Variants in SLC24A2 observed in about 807,000 individuals in gnomAD.
SLC24A2 encodes the protein solute carrier family 24 member 2.
A neutral mutation model predicts 62.0 loss-of-function variants in SLC24A2; 36 were observed. The ratio of observed to expected loss-of-function variants is 0.58; its 90% CI spans 0.44 to 0.77. SLC24A2 has a LOEUF of 0.77. Among genes scored for constraint, SLC24A2 ranks in the 30% least tolerant of loss-of-function variants. SLC24A2 has a pLI of 0.00. For synonymous variants in SLC24A2, 358 were observed against 294.0 expected (o/e 1.22, Z -2.23); for missense variants, 846 against 817.9 (o/e 1.03, Z -0.42).
the SLC24A2 span, among the ~76,000 whole-genome samples, chr9:19,841,432 T>A: frequency 6.6e-6 from 1 of 152,144 alleles, no homozygotes; most frequent in African/African-American, 2.4e-5. Context: ...GTGAAACCCT[T>A]CAGGCAGACA....
chr9:19,996,288 A>C, the SLC24A2 span, among the ~76,000 whole-genome samples: 3 of 152,204 alleles, frequency 2.0e-5, no homozygotes, highest in Non-Finnish European at 4.4e-5. Context: ...TATTTTCATA[A>C]GTCCTGGGGC....
At chr9:20,303,336 G>A in the SLC24A2 span, among the ~76,000 whole-genome samples, 4 of 152,312 alleles carry the variant, frequency 2.6e-5, no homozygotes, top group African/African-American at 9.6e-5. Context: ...ATCCTAACAT[G>A]GTTGAGAGCA....
chr9:19,637,217 T>C (rs1202253152), intron 2 of SLC24A2, among the ~76,000 whole-genome samples: 1 of 152,212 alleles, frequency 6.6e-6, no homozygotes, highest in African/African-American at 2.4e-5. Context: ...TTACTCACAC[T>C]GACAAGTTCT....
chr9:19,560,821 T>C (rs1206443927), intron 7 of SLC24A2, among the ~76,000 whole-genome samples: 4 of 152,162 alleles, frequency 2.6e-5, no homozygotes, highest in Admixed American at 2.6e-4. Context: ...ACTCATTCTT[T>C]ATTGAGCCAT....
intron 2 of SLC24A2, among the ~76,000 whole-genome samples, chr9:19,771,724 T>C (rs977879116): frequency 6.6e-6 from 1 of 152,218 alleles, no homozygotes; most frequent in African/African-American, 2.4e-5. Flanking sequence ...TGTGGTTAAG[T>C]TCTCTTTGCC....
At chr9:20,050,881 T>A in the SLC24A2 span, among the ~76,000 whole-genome samples, 1 of 151,758 alleles carries the variant, frequency 6.6e-6, no homozygotes, top group East Asian at 1.9e-4. Context: ...GAGAACAACC[T>A]GAACTAAAAA....
chr9:20,265,619 G>A, the SLC24A2 span, among the ~76,000 whole-genome samples: 15 of 152,106 alleles, frequency 9.9e-5, no homozygotes, highest in African/African-American at 2.4e-4. Context: ...TGATGATTGC[G>A]TTAACTGCAC....
chr9:20,249,760 A>G, the SLC24A2 span, among the ~76,000 whole-genome samples: 2 of 151,602 alleles, frequency 1.3e-5, no homozygotes, highest in East Asian at 1.9e-4. Flanking sequence ...AGCACTGAGT[A>G]ATAATATCTG....
chr9:20,146,985 C>T, the SLC24A2 span, among the ~76,000 whole-genome samples: 1 of 152,150 alleles, frequency 6.6e-6, no homozygotes. Flanking sequence ...TCCTTGATAG[C>T]ATGTGATGAT....
At chr9:20,201,726 A>T in the SLC24A2 span, among the ~76,000 whole-genome samples, 1 of 152,166 alleles carries the variant, frequency 6.6e-6, no homozygotes, top group African/African-American at 2.4e-5. Flanking sequence ...ACAGTTTTTT[A>T]AAAATTCTCT....
the SLC24A2 span, among the ~76,000 whole-genome samples, chr9:20,161,754 A>G: frequency 9.5e-6 from 1 of 104,936 alleles, no homozygotes; most frequent in African/African-American, 3.8e-5. Context: ...GAAAACATGA[A>G]GATACACACA....
intron 2 of SLC24A2, among the ~76,000 whole-genome samples, chr9:19,661,018 C>T (rs763909014): frequency 1.3e-5 from 2 of 152,116 alleles, no homozygotes; most frequent in Non-Finnish European, 2.9e-5. Context: ...TACACCAGAG[C>T]CTGCCAGCTA....
At chr9:19,719,379 G>A (rs1030666967) in intron 2 of SLC24A2, among the ~76,000 whole-genome samples, 2 of 152,170 alleles carry the variant, frequency 1.3e-5, no homozygotes, top group South Asian at 4.1e-4. Flanking sequence ...GTTCTTGTCT[G>A]ACCTAGACTA....
At chr9:19,779,503 T>C (rs1641172046) in intron 2 of SLC24A2, among the ~76,000 whole-genome samples, 1 of 152,242 alleles carries the variant, frequency 6.6e-6, no homozygotes, top group Non-Finnish European at 1.5e-5. Context: ...TTTTGTCCTA[T>C]ATTTCAAGAA....
intron 7 of SLC24A2, among the ~76,000 whole-genome samples, chr9:19,567,096 C>G (rs989890212): frequency 6.8e-6 from 1 of 146,524 alleles, no homozygotes; most frequent in Non-Finnish European, 1.5e-5. Flanking sequence ...TACCCTAGAA[C>G]TTAAAGTATA....
intron 2 of SLC24A2, among the ~76,000 whole-genome samples, chr9:19,739,524 T>C (rs377496756): frequency 6.6e-6 from 1 of 152,166 alleles, no homozygotes; most frequent in African/African-American, 2.4e-5. Context: ...ACTTATACCA[T>C]CACCTGATTT....
At chr9:19,715,938 T>C (rs1820847958) in intron 2 of SLC24A2, among the ~76,000 whole-genome samples, 1 of 152,212 alleles carries the variant, frequency 6.6e-6, no homozygotes, top group South Asian at 2.1e-4. Flanking sequence ...AAGTTTTCTC[T>C]CTTTTCAGGG....
At chr9:19,779,694 G>C (rs2118922606) in intron 2 of SLC24A2, among the ~76,000 whole-genome samples, 1 of 152,328 alleles carries the variant, frequency 6.6e-6, no homozygotes, top group East Asian at 1.9e-4. Flanking sequence ...TAAAAATATT[G>C]ATGGTAAAAT....
the SLC24A2 span, among the ~76,000 whole-genome samples, chr9:20,245,175 G>A: frequency 6.6e-6 from 1 of 152,224 alleles, no homozygotes; most frequent in Admixed American, 6.5e-5. Context: ...TCAAGGAGTT[G>A]ATATCTAGTG....
Sources: allele counts gnomAD v4.1 joint callset (sites outside exome capture counted in the v4.1 genomes callset), GRCh38; gene constraint gnomAD v4.1.1; transcripts MANE v1.5; gene names NCBI Gene and HGNC (gene_info 2026-07-23, HGNC 2026-07-21).